Variants in PRH1 observed in about 807,000 individuals in gnomAD.
The protein encoded by PRH1 is salivary acidic proline-rich phosphoprotein 1/2.
A neutral mutation model predicts 7.9 loss-of-function variants in PRH1; 7 were observed. The observed-to-expected ratio is 0.89, with a 90% CI of 0.50 to 1.67. PRH1 has a LOEUF of 1.67. PRH1 is among the 40% of genes most tolerant of loss of function. PRH1 has a pLI of 0.00. For synonymous variants in PRH1, 45 were observed against 80.8 expected (o/e 0.56, Z 2.38); for missense variants, 109 against 223.6 (o/e 0.49, Z 3.27).
At chr12:11,101,475 G>A (rs1025709986) in intron 1 of PRH1, among the ~76,000 whole-genome samples, 1 of 151,794 alleles carries the variant, frequency 6.6e-6, no homozygotes, top group Non-Finnish European at 1.5e-5. Flanking sequence ...GGACAACAGA[G>A]TCAGATCCTG....
At chr12:11,133,789 A>G (rs1946453753) in intron 1 of PRH1, 1 of 1,614,100 alleles carries the variant, frequency 6.2e-7, no homozygotes, top group Admixed American at 1.7e-5. Context: ...TTGTCCATAC[A>G]GTCTCATCCA....
chr12:11,152,786 G>A (rs1294102538), intron 1 of PRH1, among the ~76,000 whole-genome samples: 1 of 152,152 alleles, frequency 6.6e-6, no homozygotes, highest in Non-Finnish European at 1.5e-5. Context: ...ATGTATATGA[G>A]CAGAGATCTT....
intron 1 of PRH1, among the ~76,000 whole-genome samples, chr12:11,161,681 C>T (rs1947419232): frequency 6.6e-6 from 1 of 152,070 alleles, no homozygotes; most frequent in African/African-American, 2.4e-5. Flanking sequence ...GGTATAAAAT[C>T]TCACCGGTTT....
chr12:11,016,533 C>T (rs1293371804), intron 1 of PRH1, among the ~76,000 whole-genome samples: 1 of 152,100 alleles, frequency 6.6e-6, no homozygotes, highest in East Asian at 1.9e-4. Context: ...TACAGACAGG[C>T]TGTCACTGTG....
intron 1 of PRH1, among the ~76,000 whole-genome samples, chr12:11,164,980 A>G (rs1020004403): frequency 2.0e-5 from 3 of 152,088 alleles, no homozygotes; most frequent in African/African-American, 4.8e-5. Flanking sequence ...TTCTGTCACT[A>G]TATTTTTCTC....
chr12:10,959,769 T>C lies in PRH1; in HGVS notation c.-59+13886A>G, dbSNP rs537429974. On this transcript the variant is annotated intron_variant, in intron 2 of 3. Coordinates refer to the PRH1 transcript ENST00000539853. The stretch of plus-strand genomic sequence containing the variant: ...ATATATAGATGAATAATCAGCCTTA[T>C]TCCTCTCTATTGAACCATTTGGCTA... 2.0e-5 allele frequency among the ~76,000 whole-genome samples: 3 copies of C among 152,316 alleles called. No homozygotes were observed. In the East Asian group the frequency reaches 5.8e-4, roughly 29 times the overall value.
At chr12:11,111,537 T>C (rs1945590443) in intron 1 of PRH1, among the ~76,000 whole-genome samples, 1 of 152,210 alleles carries the variant, frequency 6.6e-6, no homozygotes, top group Non-Finnish European at 1.5e-5. Flanking sequence ...CTGAACAACT[T>C]GCTCTTGAAT....
intron 1 of PRH1, among the ~76,000 whole-genome samples, chr12:11,155,179 A>G (rs761305568): frequency 2.0e-5 from 3 of 152,238 alleles, no homozygotes; most frequent in Non-Finnish European, 4.4e-5. Context: ...CTTTGATTAC[A>G]TGCAAATAGG....
At chr12:10,884,402 T>G, upstream of PRH1, 1 of 663,300 alleles carries the variant, frequency 1.5e-6, no homozygotes, top group Non-Finnish European at 2.7e-6. Flanking sequence ...TTTGGGACTC[T>G]AGCTCAGCAG....
chr12:11,053,750 T>G (rs1486005209), intron 1 of PRH1, among the ~76,000 whole-genome samples: 2 of 152,240 alleles, frequency 1.3e-5, no homozygotes, highest in Admixed American at 1.3e-4. Context: ...GTGATTCGAG[T>G]CTTCTTTTCA....
intron 1 of PRH1, among the ~76,000 whole-genome samples, chr12:11,072,252 TCC>T (rs1555156906): frequency 0.56 from 66,477 of 118,036 alleles, 15,423 homozygotes; most frequent in Non-Finnish European, 0.65. Context: ...CTACCAAAGT[TCC>T]GGGATTGCAA....
At chr12:10,985,129 T>C (rs113942238) in intron 1 of PRH1, among the ~76,000 whole-genome samples, 2 of 152,060 alleles carry the variant, frequency 1.3e-5, no homozygotes, top group African/African-American at 4.8e-5. Context: ...AAGGTTTTCT[T>C]TAACTCAAAA....
chr12:11,062,221 C>A lies in PRH1; in HGVS notation n.124-15033G>T, dbSNP rs368674991. 15 of 1,612,988 alleles carry A rather than the reference C, an allele frequency of 9.3e-6. No homozygotes were observed. In the Admixed American group the frequency reaches 1.7e-4, roughly 18 times the overall value. On this transcript the variant is annotated intron_variant and non_coding_transcript_variant, in intron 1 of 4. Transcript: ENST00000541977. ...AATGGAATTTACCAATGCTATGAAG[C>A]CATTAGCAAAATTTCCAATCACAAA...
intron 2 of PRH1, chr12:10,892,007 A>G (rs1271026199): frequency 6.6e-6 from 1 of 152,196 alleles, no homozygotes; most frequent in Non-Finnish European, 1.5e-5. Context: ...CTATTTCTAA[A>G]TCCCAAGGCT....
intron 1 of PRH1, among the ~76,000 whole-genome samples, chr12:11,003,046 G>A (rs1354332974): frequency 1.3e-5 from 2 of 151,912 alleles, no homozygotes; most frequent in African/African-American, 4.8e-5. Context: ...AAAGTCTATT[G>A]CAATATAGTT....
chr12:11,107,511 C>G (rs987955284), intron 1 of PRH1, among the ~76,000 whole-genome samples: 2 of 152,072 alleles, frequency 1.3e-5, no homozygotes, highest in African/African-American at 4.8e-5. Flanking sequence ...CTATCAAATC[C>G]CAGCAGATGT....
rs886774845 is a variant in PRH1, at chr12:10,922,977, C to T, written c.-58-38702G>A. ...CCGAGTAGCTGGGACTACAGGCGCC[C>T]GCCACCGCGCCCGGCTAATTTTTTG... On this transcript the variant is annotated intron_variant, in intron 2 of 3. Coordinates refer to the PRH1 transcript ENST00000539853. Among the ~76,000 whole-genome samples, 11 of 149,528 alleles carry T rather than the reference C, an allele frequency of 7.4e-5. No individual in the cohort carries two copies. In the East Asian group the frequency reaches 1.6e-3, roughly 21 times the overall value.
intron 1 of PRH1, among the ~76,000 whole-genome samples, chr12:11,102,406 G>A (rs543519141): frequency 6.6e-6 from 1 of 152,264 alleles, no homozygotes; most frequent in African/African-American, 2.4e-5. Context: ...ACAACCATCT[G>A]ATCTTTGGCA....
intron 1 of PRH1, among the ~76,000 whole-genome samples, chr12:11,020,886 C>T (rs1264734256): frequency 2.0e-5 from 3 of 152,062 alleles, no homozygotes; most frequent in African/African-American, 7.2e-5. Context: ...CAGATGTCAA[C>T]TTCACAAAAG....
Sources: gnomAD v4.1 joint callset for allele counts (sites outside exome capture counted in the v4.1 genomes callset) on GRCh38, gnomAD v4.1.1 for gene constraint, MANE v1.5 for transcripts, NCBI Gene and HGNC (gene_info 2026-07-23, HGNC 2026-07-21) for gene names.